PRKN: variants seen among roughly 807,000 people sequenced by gnomAD.
The protein encoded by PRKN is parkin RBR E3 ubiquitin protein ligase.
A neutral mutation model predicts 59.5 loss-of-function variants in PRKN; 56 were observed. That is an observed-to-expected ratio of 0.94 (90% CI 0.76 to 1.18). The LOEUF (loss-of-function observed/expected upper bound fraction) is 1.18, where lower values mean the gene tolerates loss of function less well. PRKN is among the 50% of genes most tolerant of loss of function. PRKN has a pLI of 0.00. For missense variants in PRKN, 657 were observed against 596.4 expected (o/e 1.10, Z -1.06); for synonymous variants, 250 against 222.1 (o/e 1.13, Z -1.12).
chr6:162,443,248 C>T lies in PRKN; in HGVS notation c.171+62G>A, dbSNP rs113698817. On this transcript the variant is annotated intron_variant, in intron 2 of 11. Transcript: ENST00000366898. ...TCAGGCATGAATGTCAGATTGGCAG[C>T]GCAGGCGGCATGAGCAATGGAGCTG... The T allele has an allele frequency of 8.4e-3, 13,038 of 1,551,222 alleles. 66 individuals carry two copies. Among genetic ancestry groups the T allele is most frequent in the Non-Finnish European group, 0.01 (11,336 of 1,126,004 alleles).
At chr6:161,935,443 AC>A (rs1480691881) in intron 6 of PRKN, among the ~76,000 whole-genome samples, 3 of 152,030 alleles carry the variant, frequency 2.0e-5, no homozygotes, top group African/African-American at 7.2e-5. Context: ...AATCCCAGCT[AC>A]TAGGGAGGCT....
rs78715917 is a variant in PRKN at position 161,547,375 on chromosome 6, T to C, written c.1083+1479A>G. ...TTTGTCATGATTTGCAGCTTAAGTA[T>C]GTATGTTATTTACTTATAATTTACT... On this transcript the variant is annotated intron_variant, in intron 9 of 11. Coordinates refer to ENST00000366898, the MANE Select transcript of PRKN (RefSeq NM_004562.3). This position sits in a 1 kb window ranked among gnomAD's most constrained non-coding sequence, Gnocchi z 4.0. 6.6e-6 allele frequency among the ~76,000 whole-genome samples: 1 copy of C among 152,192 alleles called. No homozygotes were observed. Among genetic ancestry groups the C allele is most frequent in the African/African-American group, 2.4e-5 (1 of 41,460 alleles).
At chr6:161,635,036 C>T (rs577564304) in intron 7 of PRKN, among the ~76,000 whole-genome samples, 34 of 152,152 alleles carry the variant, frequency 2.2e-4, no homozygotes, top group Admixed American at 9.2e-4. Flanking sequence ...TCCTCAGGGC[C>T]GTAATTAAAA....
At chr6:161,567,667 T>G (rs1329351956) in intron 8 of PRKN, among the ~76,000 whole-genome samples, 2 of 152,188 alleles carry the variant, frequency 1.3e-5, no homozygotes, top group Admixed American at 6.5e-5. Flanking sequence ...ATATTAATTT[T>G]GATTATGGCT....
rs111725570 is a variant in PRKN, at chr6:162,674,398, T to A, written c.7+53264A>T. Among the ~76,000 whole-genome samples the A allele has an allele frequency of 5.1e-3, 780 of 152,116 alleles. 6 individuals are homozygous for A. Among genetic ancestry groups the A allele is most frequent in the African/African-American group, 0.017 (714 of 41,484 alleles). Reference sequence around the variant, plus strand: ...TGAGGGGTACGGCTGTGGGGCAATATCACATTAAAAGTGATGTAGGAACTA... The same window carrying A: ...TGAGGGGTACGGCTGTGGGGCAATAACACATTAAAAGTGATGTAGGAACTA... On this transcript the variant is annotated intron_variant, in intron 1 of 11. Transcript: ENST00000366898.
intron 7 of PRKN, among the ~76,000 whole-genome samples, chr6:161,702,060 T>C (rs1205127084): frequency 1.3e-5 from 2 of 152,236 alleles, no homozygotes; most frequent in Non-Finnish European, 2.9e-5. Flanking sequence ...TTCAGAATGA[T>C]CTAGTCATCT....
chr6:162,187,498 G>T (rs140157878), intron 4 of PRKN, among the ~76,000 whole-genome samples: 71 of 152,216 alleles, frequency 4.7e-4, no homozygotes, highest in African/African-American at 1.6e-3. Flanking sequence ...AGTTCAAGGT[G>T]GGGAAGGACG....
chr6:162,675,339 A>G (rs2997509), intron 1 of PRKN, among the ~76,000 whole-genome samples: 126,190 of 152,072 alleles, frequency 0.83, 52,683 homozygotes, highest in East Asian at 0.98. Flanking sequence ...ATAAACCACC[A>G]CACCCAGCCC....
intron 5 of PRKN, among the ~76,000 whole-genome samples, chr6:162,040,194 G>T (rs2128281685): frequency 6.6e-6 from 1 of 152,194 alleles, no homozygotes; most frequent in Admixed American, 6.5e-5. Context: ...CTTTCCCTCT[G>T]GTCTCTCCAG....
chr6:162,076,674 C>T (rs545765799), intron 4 of PRKN, among the ~76,000 whole-genome samples: 13 of 152,060 alleles, frequency 8.5e-5, no homozygotes, highest in Non-Finnish European at 1.9e-4. Flanking sequence ...TATTCTGAAA[C>T]GTTTTAAGTT....
At chr6:162,189,694 C>T (rs1403182075) in intron 4 of PRKN, among the ~76,000 whole-genome samples, 2 of 151,798 alleles carry the variant, frequency 1.3e-5, no homozygotes, top group Non-Finnish European at 2.9e-5. Context: ...CCATTTATTT[C>T]ATGAACTCTG....
intron 6 of PRKN, among the ~76,000 whole-genome samples, chr6:161,873,964 AAATAT>A (rs1471929175): frequency 4.8e-5 from 4 of 82,748 alleles, no homozygotes; most frequent in South Asian, 3.3e-4. Flanking sequence ...ATTATATGTA[AAATAT>A]AATATATAAA....
intron 2 of PRKN, among the ~76,000 whole-genome samples, chr6:162,302,883 T>A (rs192923511): frequency 5.3e-5 from 8 of 151,984 alleles, no homozygotes; most frequent in Admixed American, 1.3e-4. Context: ...TAGTTCATTA[T>A]TTTGGTGCCC....
intron 4 of PRKN, among the ~76,000 whole-genome samples, chr6:162,143,752 C>T (rs996235917): frequency 4.6e-5 from 7 of 152,228 alleles, no homozygotes; most frequent in Non-Finnish European, 7.4e-5. Context: ...ATTCTGTCTG[C>T]ATGGGTTTCT....
At chr6:161,626,731 C>G (rs1036059276) in intron 7 of PRKN, among the ~76,000 whole-genome samples, 1 of 152,172 alleles carries the variant, frequency 6.6e-6, no homozygotes, top group South Asian at 2.1e-4. Context: ...GTTAGGGAAC[C>G]GGGCCGCTTA....
chr6:162,508,861 AAAACAAAAAAC>A (rs771422839), intron 1 of PRKN, among the ~76,000 whole-genome samples: 65 of 150,236 alleles, frequency 4.3e-4, no homozygotes, highest in Middle Eastern at 3.4e-3. Flanking sequence ...CAAAAAACAA[AAAACAAAAAAC>A]AAACAAAAAA....
intron 8 of PRKN, among the ~76,000 whole-genome samples, chr6:161,555,519 C>A (rs1045202300): frequency 6.6e-6 from 1 of 152,136 alleles, no homozygotes; most frequent in African/African-American, 2.4e-5. Context: ...AGGCAGTGTT[C>A]AAAAATATGG....
intron 4 of PRKN, among the ~76,000 whole-genome samples, chr6:162,187,829 C>T (rs563874673): frequency 6.6e-6 from 1 of 152,228 alleles, no homozygotes; most frequent in Non-Finnish European, 1.5e-5. Flanking sequence ...AAAGGAACCA[C>T]CACCAGATAC....
intron 5 of PRKN, among the ~76,000 whole-genome samples, chr6:162,039,154 TC>T (rs1783964048): frequency 2.0e-5 from 3 of 148,194 alleles, no homozygotes; most frequent in African/African-American, 7.5e-5. Flanking sequence ...AGACTCCATC[TC>T]ACAAAAAAAA....
Sources: gnomAD v4.1 joint callset for allele counts (sites outside exome capture counted in the v4.1 genomes callset) on GRCh38, gnomAD v4.1.1 for gene constraint, Gnocchi (gnomAD v3.1) non-coding constraint, MANE v1.5 for transcripts, NCBI Gene and HGNC (gene_info 2026-07-23, HGNC 2026-07-21) for gene names.